The following DCK variants were observed in gnomAD, a reference collection of about 807,000 sequenced individuals.
DCK encodes the protein deoxycytidine kinase.
A neutral mutation model predicts 38.3 loss-of-function variants in DCK; 23 were observed. That is an observed-to-expected ratio of 0.60 (90% CI 0.43 to 0.85). The LOEUF is 0.85. Among genes scored for constraint, DCK ranks in the 40% least tolerant of loss-of-function variants. The probability of loss-of-function intolerance (pLI) is 0.00; values close to 1 mark genes in which losing one functional copy is unlikely to be tolerated. For synonymous variants in DCK, 108 were observed against 100.6 expected (o/e 1.07, Z -0.44); for missense variants, 259 against 304.4 (o/e 0.85, Z 1.11).
rs1187308046 is a variant in DCK at position 71,022,456 on chromosome 4, T to C, written c.297T>C (p.Tyr99=). 3.1e-6 allele frequency: 5 copies of C among 1,611,202 alleles called. No individual in the cohort carries two copies. Among genetic ancestry groups the C allele is most frequent in the Middle Eastern group, 1.6e-4 (1 of 6,070 alleles). ...GATGGTCTTTTACCTTCCAAACATA[T>C]GCCTGTCTCAGTCGAATAAGAGCTC... ...PERWSFTFQT[Y]ACLSRIRAQL... is the part of the protein sequence containing the mutation. Residue 99 remains tyrosine (Y), a synonymous_variant, in exon 3 of 7, where the codon TAT becomes TAC. Coordinates refer to ENST00000286648, the MANE Select transcript of DCK (RefSeq NM_000788.3).
intron 2 of DCK, among the ~76,000 whole-genome samples, chr4:71,013,164 T>G (rs1369936184): frequency 6.6e-6 from 1 of 152,028 alleles, no homozygotes; most frequent in Non-Finnish European, 1.5e-5. Context: ...TATCAGTGAT[T>G]GAAGATCAAA....
At chr4:71,012,434 G>A (rs928882933) in intron 2 of DCK, among the ~76,000 whole-genome samples, 7 of 152,248 alleles carry the variant, frequency 4.6e-5, no homozygotes, top group East Asian at 1.9e-4. Context: ...CTCTCAGCAC[G>A]GAGTTTGAGA....
chr4:70,998,093 A>G lies in DCK; in HGVS notation c.118A>G (p.Ile40Val). Reference sequence around the variant, plus strand: ...TGCAGGGAAGTCAACATTTGTGAATATCCTTAAACAATTGTGTGAAGATTG... The same window carrying G: ...TGCAGGGAAGTCAACATTTGTGAATGTCCTTAAACAATTGTGTGAAGATTG... ...IAAGKSTFVN[I>V]LKQLCEDWEV... is the part of the protein sequence containing the mutation. Residue 40 changes from isoleucine (I) to valine (V), a missense_variant, in exon 2 of 7, where the codon ATC (isoleucine) becomes GTC (valine). Around this residue, in one of 3 missense-constraint regions of DCK, gnomAD observed 159 missense variants for 159.0 expected, o/e 1.00. Transcript: ENST00000286648. 1 of 1,599,662 alleles carries G rather than the reference A, an allele frequency of 6.3e-7. No individual in the cohort carries two copies. Among genetic ancestry groups the G allele is most frequent in the Non-Finnish European group, 8.5e-7 (1 of 1,170,978 alleles).
At chr4:71,020,084 G>A (rs1217795625) in intron 2 of DCK, among the ~76,000 whole-genome samples, 1 of 152,180 alleles carries the variant, frequency 6.6e-6, no homozygotes, top group Non-Finnish European at 1.5e-5. Context: ...CACTGGGCCT[G>A]CCCTTGATAT....
In DCK at chr4:71,028,178, A is replaced by G. The variant is rs56956926; in HGVS notation, c.757-1174A>G. On this transcript the variant is annotated intron_variant, in intron 6 of 6. Coordinates refer to ENST00000286648, the MANE Select transcript of DCK (RefSeq NM_000788.3). ...AAATCTACTACATGTTTGATTTTCAAAGTTGCTTGAACTATTGTGCTTATT... is the reference window on the plus strand; with the variant it reads ...AAATCTACTACATGTTTGATTTTCAGAGTTGCTTGAACTATTGTGCTTATT... Among the ~76,000 whole-genome samples, 704 of 152,372 alleles carry G rather than the reference A, an allele frequency of 4.6e-3. 8 individuals are homozygous for G. The highest frequency in any genetic ancestry group is 0.016 in the African/African-American group (672 of 41,598).
intron 2 of DCK, among the ~76,000 whole-genome samples, chr4:71,013,320 G>C (rs1458894743): frequency 6.6e-6 from 1 of 152,200 alleles, no homozygotes; most frequent in Non-Finnish European, 1.5e-5. Flanking sequence ...ATGGAACCAA[G>C]TTGGAAAACA....
chr4:71,017,035 C>G (rs1402705187), intron 2 of DCK, among the ~76,000 whole-genome samples: 1 of 152,208 alleles, frequency 6.6e-6, no homozygotes, highest in Non-Finnish European at 1.5e-5. Context: ...ATCTACTCAT[C>G]TGACAAAGGG....
At chr4:71,005,171 C>G (rs2129173) in intron 2 of DCK, among the ~76,000 whole-genome samples, 129,715 of 152,048 alleles carry the variant, frequency 0.85, 57,730 homozygotes, top group Non-Finnish European at 0.97. Context: ...AGCCTAGTAT[C>G]TGGGCTGGAT....
intron 2 of DCK, among the ~76,000 whole-genome samples, chr4:71,005,370 T>C (rs1489081175): frequency 2.0e-5 from 3 of 152,008 alleles, no homozygotes; most frequent in African/African-American, 7.2e-5. Context: ...TCTTCTGCAT[T>C]GGTCTCACTG....
intron 2 of DCK, among the ~76,000 whole-genome samples, chr4:71,012,969 C>T (rs1347870014): frequency 6.6e-6 from 1 of 152,148 alleles, no homozygotes; most frequent in Non-Finnish European, 1.5e-5. Flanking sequence ...CTTCTCCGAG[C>T]TAAAGGAGGA....
chr4:71,018,251 C>G (rs150357557), intron 2 of DCK, among the ~76,000 whole-genome samples: 2,755 of 151,716 alleles, frequency 0.018, 92 homozygotes, highest in African/African-American at 0.064. Context: ...CTCAGCCTCC[C>G]GAGTAGCTGA....
At chr4:71,015,748 ACT>A (rs748593785) in intron 2 of DCK, among the ~76,000 whole-genome samples, 2 of 152,096 alleles carry the variant, frequency 1.3e-5, no homozygotes, top group African/African-American at 2.4e-5. Context: ...TATGCTAAAA[ACT>A]CTCAATAAAT....
chr4:71,016,005 A>C (rs1231495135), intron 2 of DCK, among the ~76,000 whole-genome samples: 1 of 152,248 alleles, frequency 6.6e-6, no homozygotes. Flanking sequence ...CCCTGTTTGC[A>C]GATGACATGA....
chr4:71,020,780 G>C (rs988963545), intron 2 of DCK, among the ~76,000 whole-genome samples: 1 of 151,986 alleles, frequency 6.6e-6, no homozygotes, highest in African/African-American at 2.4e-5. Flanking sequence ...TCTTTGACCA[G>C]TGGCAGCTTA....
intron 2 of DCK, among the ~76,000 whole-genome samples, chr4:71,020,134 TA>T (rs1398381094): frequency 1.3e-5 from 2 of 152,250 alleles, no homozygotes; most frequent in African/African-American, 2.4e-5. Context: ...TCTTTGTTTA[TA>T]ATTTATTTGT....
chr4:70,998,588 G>A (rs79649209), intron 2 of DCK, among the ~76,000 whole-genome samples: 1,953 of 152,184 alleles, frequency 0.013, 43 homozygotes, highest in African/African-American at 0.044. Context: ...TGTGGAACCT[G>A]GAATCAATTC....
intron 6 of DCK, chr4:71,028,639 A>G (rs1252507070): frequency 9.1e-6 from 4 of 440,884 alleles, no homozygotes; most frequent in Non-Finnish European, 1.4e-5. Context: ...TCCGTCGCCC[A>G]GGCTGGAGTG....
chr4:70,998,880 G>A (rs984736047), intron 2 of DCK, among the ~76,000 whole-genome samples: 2 of 150,644 alleles, frequency 1.3e-5, no homozygotes, highest in Non-Finnish European at 2.9e-5. Flanking sequence ...CTGAGATGGC[G>A]CCACTGTGCT....
intron 2 of DCK, among the ~76,000 whole-genome samples, chr4:71,002,146 G>A (rs561615726): frequency 6.6e-6 from 1 of 152,168 alleles, no homozygotes; most frequent in African/African-American, 2.4e-5. Flanking sequence ...CTTTAGCTGT[G>A]TCCCAGAGAT....
Sources: gnomAD v4.1 joint callset for allele counts (sites outside exome capture counted in the v4.1 genomes callset) on GRCh38, gnomAD v4.1.1 for gene constraint, gnomAD v4.1.1 regional missense constraint, MANE v1.5 for transcripts, NCBI Gene and HGNC (gene_info 2026-07-23, HGNC 2026-07-21) for gene names.